The following MARCHF1 variants were observed in gnomAD, a reference collection of about 807,000 sequenced individuals.
The protein encoded by MARCHF1 is membrane associated ring-CH-type finger 1.
In MARCHF1, 40 loss-of-function variants were observed where a neutral mutation model predicts 54.2. That is an observed-to-expected ratio of 0.74 (90% confidence interval 0.57 to 0.96). The LOEUF (loss-of-function observed/expected upper bound fraction) is 0.96, where lower values mean the gene tolerates loss of function less well. Among genes scored for constraint, MARCHF1 ranks in the 40% least tolerant of loss-of-function variants. The pLI, the probability that MARCHF1 is intolerant of heterozygous loss-of-function variation, is 0.00. For missense variants in MARCHF1, 586 were observed against 656.5 expected (o/e 0.89, Z 1.17); for synonymous variants, 236 against 236.3 (o/e 1.00, Z 0.01).
chr4:164,263,499 C>T (rs1196505122), intron 1 of MARCHF1, among the ~76,000 whole-genome samples: 2 of 152,118 alleles, frequency 1.3e-5, no homozygotes, highest in Admixed American at 6.5e-5. Flanking sequence ...TGGGCTCAAG[C>T]AATCCTCTTG....
intron 3 of MARCHF1, among the ~76,000 whole-genome samples, chr4:163,874,369 G>A (rs548402057): frequency 4.6e-5 from 7 of 152,244 alleles, no homozygotes; most frequent in Middle Eastern, 3.4e-3. Flanking sequence ...GCATGTAGCC[G>A]TTCAATATCA....
At position 164,177,009 on chromosome 4, in the gene MARCHF1, T is replaced by TACAC. The variant is rs760317145; in HGVS notation, c.-322-65348_-322-65347insGTGT. Among the ~76,000 whole-genome samples the TACAC allele has an allele frequency of 2.9e-3, 161 of 55,566 alleles. 9 individuals carry two copies. Among genetic ancestry groups the TACAC allele is most frequent in the Non-Finnish European group, 4.0e-3 (113 of 28,078 alleles). The allele number at this position is 55,566 out of a possible 152,430, so 36.5% of individuals were successfully genotyped here. On this transcript the variant is annotated intron_variant, in intron 1 of 9. Transcript: ENST00000514618. The stretch of plus-strand genomic sequence containing the variant: ...ATATATATATATATATATATATATA[T>TACAC]ACAAATGATAGAATTAGGCATGTTT...
chr4:163,643,206 T>C (rs192403133), intron 5 of MARCHF1, among the ~76,000 whole-genome samples: 319 of 150,100 alleles, frequency 2.1e-3, no homozygotes, highest in African/African-American at 7.3e-3. Context: ...TGCACGTCTG[T>C]AATCCCAGCT....
intron 1 of MARCHF1, among the ~76,000 whole-genome samples, chr4:164,324,290 T>C (rs1189826134): frequency 6.6e-6 from 1 of 151,820 alleles, no homozygotes; most frequent in East Asian, 1.9e-4. Context: ...CTGACATATA[T>C]TGGCAACTAT....
chr4:163,911,821 T>C (rs1751194944), intron 3 of MARCHF1, among the ~76,000 whole-genome samples: 1 of 152,172 alleles, frequency 6.6e-6, no homozygotes, highest in South Asian at 2.1e-4. Context: ...TATCCTACTA[T>C]GCAAGGGGAG....
At chr4:164,207,631 G>GA (rs1245528743) in intron 1 of MARCHF1, among the ~76,000 whole-genome samples, 3 of 152,156 alleles carry the variant, frequency 2.0e-5, no homozygotes, top group Non-Finnish European at 4.4e-5. Flanking sequence ...CAGATGAAGG[G>GA]CTGCCTGCCT....
intron 3 of MARCHF1, among the ~76,000 whole-genome samples, chr4:163,866,901 T>C (rs968187681): frequency 6.6e-6 from 1 of 151,896 alleles, no homozygotes; most frequent in Non-Finnish European, 1.5e-5. Context: ...CTTGAGGACA[T>C]GTTACTCTCC....
chr4:164,142,536 T>G (rs541185150), intron 1 of MARCHF1, among the ~76,000 whole-genome samples: 274 of 152,260 alleles, frequency 1.8e-3, no homozygotes, highest in Admixed American at 2.4e-3. Context: ...GCAGCCTAAC[T>G]GGGAGGCACC....
chr4:163,943,946 G>C (rs1367769059), intron 3 of MARCHF1, among the ~76,000 whole-genome samples: 1 of 151,652 alleles, frequency 6.6e-6, no homozygotes, highest in African/African-American at 2.4e-5. Flanking sequence ...ACTCAGGATG[G>C]TAAACACAGA....
At chr4:164,261,227 A>C (rs1733454210) in intron 1 of MARCHF1, among the ~76,000 whole-genome samples, 1 of 152,110 alleles carries the variant, frequency 6.6e-6, no homozygotes, top group Non-Finnish European at 1.5e-5. Context: ...GTGAGGCAAT[A>C]AATTTCTGTT....
At chr4:163,829,154 TC>T (rs760519907) in intron 4 of MARCHF1, 8 of 152,144 alleles carry the variant, frequency 5.3e-5, no homozygotes, top group Non-Finnish European at 8.8e-5. Flanking sequence ...TAAATATATA[TC>T]TTTAATCAGT....
intron 1 of MARCHF1, among the ~76,000 whole-genome samples, chr4:164,183,685 A>T (rs950957691): frequency 6.6e-6 from 1 of 152,190 alleles, no homozygotes; most frequent in Middle Eastern, 3.2e-3. Context: ...GTGCTGGGTG[A>T]TGCAGCATTG....
intron 4 of MARCHF1, among the ~76,000 whole-genome samples, chr4:163,770,936 T>C (rs59129609): frequency 1.5e-3 from 225 of 152,362 alleles, no homozygotes; most frequent in African/African-American, 5.3e-3. Context: ...TAAAACTTAA[T>C]TCAGCAGTGA....
chr4:163,952,084 T>C (rs1310661326), intron 3 of MARCHF1, among the ~76,000 whole-genome samples: 1 of 152,174 alleles, frequency 6.6e-6, no homozygotes, highest in African/African-American at 2.4e-5. Flanking sequence ...TAAGACTCCA[T>C]GAAAATCGCT....
intron 1 of MARCHF1, chr4:164,188,455 C>G: frequency 3.1e-6 from 2 of 640,222 alleles, no homozygotes; most frequent in East Asian, 2.7e-5. Flanking sequence ...AGGAGGAGGA[C>G]GTGGGCACGG....
At chr4:164,367,257 T>A (rs1290488417) in intron 1 of MARCHF1, among the ~76,000 whole-genome samples, 3 of 151,898 alleles carry the variant, frequency 2.0e-5, no homozygotes, top group Non-Finnish European at 1.5e-5. Context: ...TCATGGAGAG[T>A]CTTCTATTAT....
intron 5 of MARCHF1, among the ~76,000 whole-genome samples, chr4:163,633,804 C>T (rs2111003667): frequency 6.6e-6 from 1 of 152,076 alleles, no homozygotes; most frequent in South Asian, 2.1e-4. Flanking sequence ...TCAGATTCAC[C>T]AAAGTTGAAA....
chr4:163,549,418 T>C (rs973676155), intron 8 of MARCHF1, among the ~76,000 whole-genome samples: 3 of 152,122 alleles, frequency 2.0e-5, no homozygotes, highest in South Asian at 4.1e-4. Flanking sequence ...CCCTTTCCCG[T>C]TTCCCAAAGG....
chr4:163,744,148 T>C (rs77642526), intron 4 of MARCHF1, among the ~76,000 whole-genome samples: 3 of 152,228 alleles, frequency 2.0e-5, no homozygotes, highest in African/African-American at 4.8e-5. Flanking sequence ...ACAGGGACAG[T>C]GATCAATTTA....
Sources: allele counts gnomAD v4.1 joint callset (sites outside exome capture counted in the v4.1 genomes callset), GRCh38; gene constraint gnomAD v4.1.1; transcripts MANE v1.5; gene names NCBI Gene and HGNC (gene_info 2026-07-23, HGNC 2026-07-21).